Variants in COL6A5 observed in about 807,000 individuals in gnomAD.
COL6A5 encodes collagen type VI alpha 5 chain, also known as collagen alpha-5(VI) chain.
COL6A5 carries 48 observed loss-of-function variants against 65.6 expected under a neutral mutation model. The ratio of observed to expected loss-of-function variants is 0.73; its 90% CI spans 0.58 to 0.93. COL6A5 has a LOEUF of 0.93. Among genes scored for constraint, COL6A5 ranks in the 40% least tolerant of loss-of-function variants. The probability of loss-of-function intolerance (pLI) is 0.00; values close to 1 mark genes in which losing one functional copy is unlikely to be tolerated. For synonymous variants in COL6A5, 291 were observed against 322.8 expected (o/e 0.90, Z 1.05); for missense variants, 914 against 928.3 (o/e 0.98, Z 0.20).
exon 6 of COL6A5, chr3:130,389,118 T>C: frequency 2.1e-6 from 3 of 1,439,830 alleles, no homozygotes; most frequent in East Asian, 2.5e-5. Flanking sequence ...TTATCTTTCG[T>C]GTGTGTGCTC....
At position 130,409,401 on chromosome 3, in the gene COL6A5, G is replaced by A. The variant is rs1353547789; in HGVS notation, c.4542+13G>A. The A allele has an allele frequency of 6.5e-7, 1 of 1,543,718 alleles. No individual in the cohort carries two copies. Among genetic ancestry groups the A allele is most frequent in the Admixed American group, 2.0e-5 (1 of 49,660 alleles). ...CCCAGGGGATCCGGTAAGTTTCTAG[G>A]GCCCAGTTGGCTCTGAATTTTATAC... On this transcript the variant is annotated intron_variant and NMD_transcript_variant, in intron 18 of 41. Coordinates refer to the COL6A5 transcript ENST00000312481.
chr3:130,368,912 G>A (rs1015096320), intron 1 of COL6A5, among the ~76,000 whole-genome samples: 8 of 152,308 alleles, frequency 5.3e-5, no homozygotes, highest in South Asian at 2.1e-4. Flanking sequence ...AGGCTAAGCC[G>A]AGAATTTAAG....
At chr3:130,415,586 ACT>A (rs1343475787) in intron 22 of COL6A5, 57 bp from the exon 23 acceptor site, 1 of 1,460,144 alleles carries the variant, frequency 6.8e-7, no homozygotes, top group Non-Finnish European at 9.3e-7. Context: ...CAAAAGAAAC[ACT>A]GAGAAGTAAG....
At chr3:130,405,561 G>T in intron 13 of COL6A5, 27 bp from the exon 14 acceptor site, 2 of 1,533,772 alleles carry the variant, frequency 1.3e-6, no homozygotes, top group Non-Finnish European at 1.8e-6. Flanking sequence ...CATCACTTTG[G>T]GTACCTGTCT....
intron 28 of COL6A5, 52 bp downstream of exon 28, chr3:130,422,834 G>T (rs1937540499): frequency 2.6e-6 from 3 of 1,157,890 alleles, no homozygotes. Context: ...GCAGACTTTG[G>T]CTTTTATGTT....
At chr3:130,390,818 T>G (rs1936369371) in intron 6 of COL6A5, among the ~76,000 whole-genome samples, 1 of 152,228 alleles carries the variant, frequency 6.6e-6, no homozygotes, top group African/African-American at 2.4e-5. Context: ...ATCTCGCCAT[T>G]ACATTGGCAT....
chr3:130,386,446 T>G (rs534772563), intron 5 of COL6A5, among the ~76,000 whole-genome samples: 1 of 152,148 alleles, frequency 6.6e-6, no homozygotes, highest in East Asian at 1.9e-4. Flanking sequence ...AAAACGTGTT[T>G]GAATTTTCTC....
In COL6A5 at chr3:130,469,248, C is replaced by T. The variant is rs765160533; in HGVS notation, c.2000C>T (p.Ala667Val). 46 of 1,613,068 alleles carry T rather than the reference C, an allele frequency of 2.9e-5. 1 individual carries two copies. The South Asian group carries it at 4.7e-4, about 17-fold the overall frequency. Residue 667 changes from alanine to valine, a missense_variant, in exon 6 of 8, where the codon GCT becomes GTT. Transcript: ENST00000512836. ...AACAAAGTTATCTTTGTAATATCTG[C>T]TGGCGAAACCAACTCTTTAGACAAA...
intron 11 of COL6A5, 66 bp from the exon 12 acceptor site, chr3:130,401,696 T>C (rs1936821599): frequency 6.7e-6 from 8 of 1,200,234 alleles, no homozygotes; most frequent in Non-Finnish European, 9.6e-6. Context: ...TTTGTATGAG[T>C]ACAATTCTTA....
At chr3:130,471,756 A>T in intron 7 of COL6A5, 1 of 1,534,600 alleles carries the variant, frequency 6.5e-7, no homozygotes, top group Non-Finnish European at 8.7e-7. Flanking sequence ...CAGGCACAAC[A>T]TCTCCTTGTA....
chr3:130,423,899 G>C (rs1937558358), exon 29 of COL6A5: 4 of 1,547,632 alleles, frequency 2.6e-6, no homozygotes, highest in East Asian at 2.4e-5. Flanking sequence ...CCTGGACAGA[G>C]AGTAAGTGTA....
At chr3:130,392,470 A>G (rs1422769574) in intron 7 of COL6A5, among the ~76,000 whole-genome samples, 1 of 152,198 alleles carries the variant, frequency 6.6e-6, no homozygotes, top group Non-Finnish European at 1.5e-5. Context: ...TAAGTCATCT[A>G]GGAAGGGCTG....
At chr3:130,440,304 T>A (rs1307760377) in exon 3 of COL6A5, 13 of 1,613,252 alleles carry the variant, frequency 8.1e-6, no homozygotes, top group Non-Finnish European at 1.0e-5. Context: ...GTGAGCTCAG[T>A]GATTGACAAC....
At chr3:130,364,844 G>A (rs774254736) in intron 1 of COL6A5, among the ~76,000 whole-genome samples, 1 of 152,222 alleles carries the variant, frequency 6.6e-6, no homozygotes, top group African/African-American at 2.4e-5. Context: ...TTCAAAGGTT[G>A]TCAATTGAAT....
At chr3:130,482,702 G>GTCT (rs1014123726) in intron 7 of COL6A5, among the ~76,000 whole-genome samples, 5 of 152,054 alleles carry the variant, frequency 3.3e-5, no homozygotes. Context: ...CCATTTATTT[G>GTCT]TCTTCTCTCT....
intron 21 of COL6A5, 88 bp from the exon 22 acceptor site, chr3:130,413,981 C>A: frequency 1.0e-6 from 1 of 963,888 alleles, no homozygotes; most frequent in Non-Finnish European, 1.6e-6. Flanking sequence ...CAAAATAGTA[C>A]CTATTTCTGA....
At chr3:130,353,503 C>T (rs1193296643) in intron 1 of COL6A5, among the ~76,000 whole-genome samples, 1 of 151,836 alleles carries the variant, frequency 6.6e-6, no homozygotes, top group African/African-American at 2.4e-5. Context: ...CAAGAAAGTC[C>T]AGAAGGAAAA....
intron 22 of COL6A5, 62 bp downstream of exon 22, chr3:130,414,193 G>T: frequency 7.9e-7 from 1 of 1,264,296 alleles, no homozygotes; most frequent in Non-Finnish European, 1.1e-6. Flanking sequence ...TGGGAAGAAG[G>T]CAGGTATTTC....
chr3:130,459,603 G>A (rs922360398), intron 5 of COL6A5, among the ~76,000 whole-genome samples: 1 of 152,000 alleles, frequency 6.6e-6, no homozygotes, highest in Non-Finnish European at 1.5e-5. Context: ...CACTTTTAAG[G>A]GAAATGTTTT....
Sources: allele counts gnomAD v4.1 joint callset (sites outside exome capture counted in the v4.1 genomes callset), GRCh38; gene constraint gnomAD v4.1.1; transcripts MANE v1.5; gene names NCBI Gene and HGNC (gene_info 2026-07-23, HGNC 2026-07-21).